ADH1B: variants seen among roughly 807,000 people sequenced by gnomAD.
The protein encoded by ADH1B is alcohol dehydrogenase 1B (class I), beta polypeptide.
ADH1B carries 29 observed loss-of-function variants against 34.6 expected under a neutral mutation model. That is an observed-to-expected ratio of 0.84 (90% CI 0.62 to 1.14). The LOEUF (loss-of-function observed/expected upper bound fraction) is 1.14, where lower values mean the gene tolerates loss of function less well. Ranked by LOEUF, ADH1B falls within the 50% of genes most tolerant of loss-of-function variation. ADH1B has a pLI of 0.00. For missense variants in ADH1B, 424 were observed against 468.4 expected, an observed-to-expected ratio of 0.91 and a Z score of 0.87; for synonymous variants, 170 against 175.5, an observed-to-expected ratio of 0.97 and a Z score of 0.25.
chr4:99,318,279 A>G, intron 2 of ADH1B, 95 bp from the exon 3 acceptor site: 1 of 1,536,240 alleles, frequency 6.5e-7, no homozygotes, highest in African/African-American at 1.4e-5. Flanking sequence ...TCTAAAATGT[A>G]TTTGAGGGTT....
intron 3 of ADH1B, chr4:99,316,843 G>T (rs1733897843): frequency 7.2e-6 from 1 of 138,124 alleles, no homozygotes; most frequent in Non-Finnish European, 1.6e-5. Context: ...AAAATCCTAG[G>T]TCTTTTTTTT....
intron 3 of ADH1B, 85 bp downstream of exon 3, chr4:99,317,961 G>A (rs1356998936): frequency 2.5e-6 from 4 of 1,570,390 alleles, no homozygotes; most frequent in East Asian, 4.5e-5. Context: ...AAGCACTTTC[G>A]TCTCTCATTG....
chr4:99,318,611 AT>A (rs1733946510), intron 2 of ADH1B, 173 bp downstream of exon 2: 2 of 670,620 alleles, frequency 3.0e-6, no homozygotes, highest in Non-Finnish European at 2.4e-6. Flanking sequence ...CTCTTTGATC[AT>A]TTTTTAAAAA....
At chr4:99,313,725 A>G (rs955719465) in intron 6 of ADH1B, 96 bp downstream of exon 6, 96 of 1,580,650 alleles carry the variant, frequency 6.1e-5, no homozygotes, top group Non-Finnish European at 8.3e-5. Flanking sequence ...ATTCATCATT[A>G]AAAATATCCT....
intron 6 of ADH1B, 102 bp from the exon 7 acceptor site, chr4:99,311,758 T>C (rs1733760308): frequency 6.7e-7 from 1 of 1,498,216 alleles, no homozygotes; most frequent in African/African-American, 1.4e-5. Flanking sequence ...TGTGAGTGTG[T>C]AGAGGGAAGA....
At position 99,310,916 on chromosome 4, in the gene ADH1B, C is replaced by T. The variant is rs767237813; in HGVS notation, c.965-13G>A. On this transcript the variant is annotated splice_polypyrimidine_tract_variant and intron_variant, in intron 7 of 8. Coordinates refer to ENST00000305046, the MANE Select transcript of ADH1B (RefSeq NM_000668.6). ...TTACTCTTAAAGCCTGAAAAGAAGA[C>T]AGTATCATTGTTGGATTCAGCTAGG... 1.2e-5 allele frequency: 20 copies of T among 1,610,300 alleles called. No individual in the cohort carries two copies. The highest frequency in any genetic ancestry group is 5.1e-5 in the Admixed American group (3 of 59,250).
intron 1 of ADH1B, chr4:99,320,897 T>G (rs2110640836): frequency 7.9e-7 from 1 of 1,272,738 alleles, no homozygotes; most frequent in South Asian, 1.3e-5. Context: ...CTCATCAAAC[T>G]TCTGTCAGAC....
intron 5 of ADH1B, chr4:99,315,443 G>A: frequency 4.8e-6 from 1 of 207,382 alleles, no homozygotes. Flanking sequence ...GTTTGGAGGT[G>A]CATCAGGTAA....
intron 5 of ADH1B, 29 bp downstream of exon 5, chr4:99,315,869 G>A (rs1387912882): frequency 1.9e-6 from 3 of 1,613,130 alleles, no homozygotes; most frequent in Non-Finnish European, 2.5e-6. Context: ...CTGCATGTAA[G>A]CAGTTTTATC....
rs1381806315 is a variant in ADH1B at position 99,306,595 on chromosome 4, C to T, written c.*1245G>A. On this transcript the variant is annotated 3_prime_UTR_variant, in exon 9 of 9. Transcript: ENST00000305046. ...ACAATAGCATTTTTGGAGACAGCTACCTCCTTTACCAGGAATAATCTTTGC... is the reference window on the plus strand; with the variant it reads ...ACAATAGCATTTTTGGAGACAGCTATCTCCTTTACCAGGAATAATCTTTGC... 1.3e-5 allele frequency: 2 copies of T among 152,192 alleles called. No homozygotes were observed. Among genetic ancestry groups the T allele is most frequent in the African/African-American group, 4.8e-5 (2 of 41,436 alleles). The allele number at this position is 152,192 out of a possible 1,614,324, so 9.4% of individuals were successfully genotyped here. A position where few individuals can be genotyped will look rare whatever the true frequency, so the allele number is the denominator to read the frequency against.
chr4:99,313,649 G>A, intron 6 of ADH1B, 172 bp downstream of exon 6: 1 of 1,251,290 alleles, frequency 8.0e-7, no homozygotes, highest in African/African-American at 1.5e-5. Context: ...GTAATTGATG[G>A]AAGAGAAGAT....
chr4:99,311,492 G>C, intron 7 of ADH1B, 29 bp downstream of exon 7: 1 of 1,609,226 alleles, frequency 6.2e-7, no homozygotes, highest in South Asian at 1.1e-5. Flanking sequence ...AGATTAATGA[G>C]AATTTGGCAC....
At chr4:99,314,710 A>G (rs1733834904) in intron 5 of ADH1B, 3 of 152,702 alleles carry the variant, frequency 2.0e-5, no homozygotes, top group Non-Finnish European at 4.4e-5. Context: ...CTATATTTCA[A>G]TAACAAATAC....
In ADH1B at chr4:99,318,824, C is replaced by T; in HGVS notation, c.81G>A (p.Val27=). The change falls in exon 2 of 9, where the codon GTG becomes GTA. Residue 27 remains valine, a synonymous_variant. Transcript: ENST00000305046. ...CATAAGCCTTAGGAGGTGCAACCTC[C>T]ACATCCTCAATGGAAAAGGGTTTCT... The part of the protein sequence containing the change: ...EVKKPFSIED[V]EVAPPKAYEV... The T allele has an allele frequency of 1.2e-6, 2 of 1,613,858 alleles. No individual in the cohort carries two copies. Among genetic ancestry groups the T allele is most frequent in the Non-Finnish European group, 1.7e-6 (2 of 1,179,888 alleles).
intron 1 of ADH1B, chr4:99,319,824 G>C (rs766511405): frequency 8.6e-5 from 13 of 152,036 alleles, no homozygotes; most frequent in Non-Finnish European, 1.3e-4. Context: ...ATTCAATTGA[G>C]ATTTATTTTT....
At chr4:99,316,392 A>G in intron 3 of ADH1B, 90 bp from the exon 4 acceptor site, 1 of 1,303,342 alleles carries the variant, frequency 7.7e-7, no homozygotes, top group Non-Finnish European at 1.1e-6. Context: ...GATTAGAAGC[A>G]TGTTTCTTTA....
chr4:99,320,047 GATTA>G (rs1560530539), intron 1 of ADH1B: 1 of 152,078 alleles, frequency 6.6e-6, no homozygotes, highest in Non-Finnish European at 1.5e-5. Context: ...TTTATTCATT[GATTA>G]ATTTTTAATT....
Position 99,314,093 on chromosome 4 carries a change from GA to G in ADH1B, c.568-13del. 1 of 1,609,850 alleles carries G rather than the reference GA, an allele frequency of 6.2e-7. No homozygotes were observed. The highest frequency in any genetic ancestry group is 8.5e-7 in the Non-Finnish European group (1 of 1,178,168). On this transcript the variant is annotated splice_polypyrimidine_tract_variant and intron_variant, in intron 5 of 8. Coordinates refer to ENST00000305046, the MANE Select transcript of ADH1B (RefSeq NM_000668.6). ...GAGCCTGGGGTGACCTGTGTTTTCA[GA>G]AAATGCAAAAATAGATTAAGTGATG...
chr4:99,318,927 C>T lies in ADH1B; in HGVS notation c.19-41G>A, dbSNP rs775782629. 6 of 1,586,776 alleles carry T rather than the reference C, an allele frequency of 3.8e-6. No homozygotes were observed. The South Asian group carries it at 5.5e-5, about 15-fold the overall frequency. ...GAGAGATGGTGACAGTGTTTTCCCA[C>T]TCTTGAAGTCATAAGTTGTGTCTTT... is the stretch of plus-strand genomic sequence containing the variant. On this transcript the variant is annotated intron_variant, in intron 1 of 8. Transcript: ENST00000305046.
Sources: gnomAD v4.1 joint callset for allele counts on GRCh38, gnomAD v4.1.1 for gene constraint, MANE v1.5 for transcripts, NCBI Gene and HGNC (gene_info 2026-07-23, HGNC 2026-07-21) for gene names.